DOCK5: variants seen among roughly 807,000 people sequenced by gnomAD.
DOCK5 encodes the protein dedicator of cytokinesis protein 5.
Under a neutral mutation model 251.8 loss-of-function variants are expected in DOCK5, and 142 were observed. The observed-to-expected ratio is 0.56, with a 90% confidence interval of 0.49 to 0.65. DOCK5 has a LOEUF of 0.65. DOCK5 is among the 30% of genes least tolerant of loss of function. DOCK5 has a pLI of 0.00. For synonymous variants in DOCK5, 842 were observed against 835.5 expected, an observed-to-expected ratio of 1.01 and a Z score of -0.13; for missense variants, 2,111 against 2,312.3, an observed-to-expected ratio of 0.91 and a Z score of 1.79.
At chr8:25,258,857 G>A (rs1007719893) in intron 2 of DOCK5, among the ~76,000 whole-genome samples, 11 of 152,148 alleles carry the variant, frequency 7.2e-5, no homozygotes, top group African/African-American at 2.4e-4. Flanking sequence ...AGTGGCTCAC[G>A]CTTGTAATCC....
intron 37 of DOCK5, 134 bp downstream of exon 37, chr8:25,374,788 C>A: frequency 6.4e-7 from 1 of 1,567,006 alleles, no homozygotes; most frequent in Non-Finnish European, 8.6e-7. Flanking sequence ...TTTTTTAGTT[C>A]TTTCTAAATA....
intron 2 of DOCK5, among the ~76,000 whole-genome samples, chr8:25,255,705 G>T (rs1803402621): frequency 6.6e-6 from 1 of 152,216 alleles, no homozygotes; most frequent in Non-Finnish European, 1.5e-5. Flanking sequence ...TGTCAGTGTA[G>T]GTTTGATTGC....
At chr8:25,224,270 C>T (rs933936534) in intron 1 of DOCK5, among the ~76,000 whole-genome samples, 7 of 152,144 alleles carry the variant, frequency 4.6e-5, no homozygotes, top group Admixed American at 2.6e-4. Flanking sequence ...AGCCGGGCAC[C>T]ACCACACTCA....
Position 25,184,858 on chromosome 8 carries a change from G to A in DOCK5, c.-51G>A, listed in dbSNP as rs1801388942. Reference sequence around the variant, plus strand: ...CGCGGGGCGGCGGCGGCCGGAGCCCGAGGAGCTGTAGCAGCCTTAGTCGCC... The same window carrying A: ...CGCGGGGCGGCGGCGGCCGGAGCCCAAGGAGCTGTAGCAGCCTTAGTCGCC... On this transcript the variant is annotated 5_prime_UTR_variant, in exon 1 of 52. Transcript: ENST00000276440. 2.3e-6 allele frequency: 3 copies of A among 1,295,990 alleles called. No individual in the cohort carries two copies. The highest frequency in any genetic ancestry group is 3.1e-5 in the East Asian group (1 of 32,688). 80.3% of individuals were successfully genotyped at this position (1,295,990 alleles called of 1,614,324 possible).
At chr8:25,410,979 G>A (rs1393913916) in intron 51 of DOCK5, among the ~76,000 whole-genome samples, 6 of 115,592 alleles carry the variant, frequency 5.2e-5, no homozygotes, top group African/African-American at 1.8e-4. Context: ...GTGTGCGCGC[G>A]CGCGCACGCA....
Position 25,217,991 on chromosome 8 carries a change from A to T in DOCK5, c.44-25683A>T, listed in dbSNP as rs539369830. Reference sequence around the variant, plus strand: ...AAATCAATTTAAATAATTTGATTTCAAATACATCTAAATGATGTACTTATG... The same window carrying T: ...AAATCAATTTAAATAATTTGATTTCTAATACATCTAAATGATGTACTTATG... On this transcript the variant is annotated intron_variant, in intron 1 of 51. Transcript: ENST00000276440. Among the ~76,000 whole-genome samples the T allele has an allele frequency of 1.5e-3, 222 of 152,240 alleles. 1 individual carries two copies. The highest frequency in any genetic ancestry group is 2.7e-3 in the Non-Finnish European group (185 of 68,048).
intron 4 of DOCK5, among the ~76,000 whole-genome samples, 200 bp downstream of exon 4, chr8:25,275,641 C>A (rs561962467): frequency 6.6e-6 from 1 of 152,196 alleles, no homozygotes; most frequent in East Asian, 1.9e-4. Context: ...TCGAAACCAG[C>A]CTGGCCAACA....
At chr8:25,379,933 C>T (rs541125240) in intron 38 of DOCK5, among the ~76,000 whole-genome samples, 9 of 152,186 alleles carry the variant, frequency 5.9e-5, no homozygotes, top group African/African-American at 2.2e-4. Flanking sequence ...ACTTCCCTTC[C>T]CCCTCCAACC....
At chr8:25,319,364 A>G (rs1805358519) in intron 14 of DOCK5, among the ~76,000 whole-genome samples, 1 of 152,146 alleles carries the variant, frequency 6.6e-6, no homozygotes. Context: ...TGGGTTCCTT[A>G]GCTGCTACCA....
intron 3 of DOCK5, among the ~76,000 whole-genome samples, chr8:25,272,989 A>G (rs1803950931): frequency 6.6e-6 from 1 of 152,020 alleles, no homozygotes; most frequent in African/African-American, 2.4e-5. Flanking sequence ...TATTTCACTT[A>G]GTGTAATGTC....
chr8:25,372,528 T>A, intron 34 of DOCK5, 31 bp from the exon 35 acceptor site: 1 of 1,546,776 alleles, frequency 6.5e-7, no homozygotes, highest in Non-Finnish European at 8.7e-7. Context: ...GCATGGAACC[T>A]GGGCTTTTGT....
chr8:25,384,984 G>C (rs762385520), intron 40 of DOCK5, among the ~76,000 whole-genome samples: 1 of 152,186 alleles, frequency 6.6e-6, no homozygotes, highest in Non-Finnish European at 1.5e-5. Context: ...CTCTGTTTCA[G>C]CTGCAACCTG....
At chr8:25,195,753 C>G (rs73556399) in intron 1 of DOCK5, among the ~76,000 whole-genome samples, 21,792 of 152,192 alleles carry the variant, frequency 0.14, 2,539 homozygotes, top group African/African-American at 0.33. Flanking sequence ...TGACACCTCA[C>G]AATGTCTAGC....
intron 5 of DOCK5, among the ~76,000 whole-genome samples, chr8:25,283,174 C>G (rs1804245184): frequency 6.6e-6 from 1 of 152,030 alleles, no homozygotes; most frequent in South Asian, 2.1e-4. Context: ...AGAGGTGAAC[C>G]CACTTATCCA....
At chr8:25,379,315 T>TC (rs1165806708) in intron 38 of DOCK5, among the ~76,000 whole-genome samples, 3 of 143,784 alleles carry the variant, frequency 2.1e-5, no homozygotes, top group Non-Finnish European at 4.5e-5. Flanking sequence ...TTTATAGACC[T>TC]CCCCCCAAGG....
intron 17 of DOCK5, 93 bp downstream of exon 17, chr8:25,324,044 C>A: frequency 7.6e-7 from 1 of 1,318,524 alleles, no homozygotes; most frequent in Non-Finnish European, 1.0e-6. Flanking sequence ...CATCAGAAAC[C>A]TTTCTAGAGC....
At chr8:25,255,831 G>T in intron 2 of DOCK5, among the ~76,000 whole-genome samples, 1 of 152,150 alleles carries the variant, frequency 6.6e-6, no homozygotes, top group East Asian at 1.9e-4. Flanking sequence ...ACCTAAAATT[G>T]CTCTACAAAT....
chr8:25,194,715 T>A (rs1281882938), intron 1 of DOCK5, among the ~76,000 whole-genome samples: 4 of 152,264 alleles, frequency 2.6e-5, no homozygotes, highest in African/African-American at 4.8e-5. Flanking sequence ...GAAGTTTGGA[T>A]CCTCTCTAAC....
intron 9 of DOCK5, among the ~76,000 whole-genome samples, chr8:25,302,021 C>G (rs550861607): frequency 6.6e-6 from 1 of 152,116 alleles, no homozygotes; most frequent in Non-Finnish European, 1.5e-5. Context: ...TGATGAGGGC[C>G]CTGATTTTTC....
Sources: gnomAD v4.1 joint callset for allele counts (sites outside exome capture counted in the v4.1 genomes callset) on GRCh38, gnomAD v4.1.1 for gene constraint, MANE v1.5 for transcripts, NCBI Gene and HGNC (gene_info 2026-07-23, HGNC 2026-07-21) for gene names.